SERAC1: variants seen among roughly 807,000 people sequenced by gnomAD.
SERAC1 encodes serine active site containing 1, also known as protein SERAC1.
Under a neutral mutation model 85.7 loss-of-function variants are expected in SERAC1, and 36 were observed. The observed-to-expected ratio is 0.42, with a 90% CI of 0.32 to 0.55. SERAC1 has a LOEUF of 0.55. Ranked by LOEUF, SERAC1 falls within the 20% of genes least tolerant of loss-of-function variation. SERAC1 has a pLI of 0.11. For synonymous variants in SERAC1, 242 were observed against 265.3 expected (o/e 0.91, Z 0.85); for missense variants, 629 against 796.2 (o/e 0.79, Z 2.53).
At chr6:158,166,842 C>A (rs901761707) in intron 1 of SERAC1, among the ~76,000 whole-genome samples, 8 of 152,034 alleles carry the variant, frequency 5.3e-5, no homozygotes, top group Non-Finnish European at 1.2e-4. Flanking sequence ...TTTCTGACAT[C>A]CCCCTGGCCA....
At chr6:158,129,686 GT>G (rs1365533903) in intron 9 of SERAC1, among the ~76,000 whole-genome samples, 3 of 136,984 alleles carry the variant, frequency 2.2e-5, no homozygotes, top group Non-Finnish European at 4.6e-5. Context: ...ATATTTCCTT[GT>G]TTTTTTTTGT....
At chr6:158,149,411 A>G (rs989652086) in intron 4 of SERAC1, among the ~76,000 whole-genome samples, 2 of 152,240 alleles carry the variant, frequency 1.3e-5, no homozygotes, top group African/African-American at 4.8e-5. Context: ...CTATCGATGC[A>G]ACTAAAACCA....
At chr6:158,143,256 C>A in intron 7 of SERAC1, 72 bp from the exon 8 acceptor site, 1 of 1,561,104 alleles carries the variant, frequency 6.4e-7, no homozygotes, top group East Asian at 2.3e-5. Flanking sequence ...TCCAAAGACT[C>A]AAAGCCAATA....
intron 5 of SERAC1, among the ~76,000 whole-genome samples, chr6:158,148,370 C>A (rs1785121418): frequency 6.6e-6 from 1 of 152,076 alleles, no homozygotes; most frequent in African/African-American, 2.4e-5. Flanking sequence ...TTCACAATTA[C>A]CTAAGGAAGG....
At chr6:158,149,458 T>C (rs1441167898) in intron 4 of SERAC1, among the ~76,000 whole-genome samples, 1 of 152,194 alleles carries the variant, frequency 6.6e-6, no homozygotes, top group East Asian at 1.9e-4. Flanking sequence ...CAAAATAAGA[T>C]TGCTCTCCAA....
At chr6:158,166,426 T>C (rs935977038) in intron 1 of SERAC1, among the ~76,000 whole-genome samples, 8 of 146,318 alleles carry the variant, frequency 5.5e-5, no homozygotes, top group African/African-American at 1.5e-4. Context: ...CTTTGGTATC[T>C]GATAGGGAGA....
At chr6:158,115,482 TA>T (rs1399018012) in intron 14 of SERAC1, among the ~76,000 whole-genome samples, 3 of 152,118 alleles carry the variant, frequency 2.0e-5, no homozygotes, top group Non-Finnish European at 4.4e-5. Flanking sequence ...CACAAAGATC[TA>T]AAGGATGATG....
intron 1 of SERAC1, among the ~76,000 whole-genome samples, chr6:158,167,025 C>G (rs952257055): frequency 6.6e-6 from 1 of 151,268 alleles, no homozygotes; most frequent in Non-Finnish European, 1.5e-5. Context: ...CTGATGAGAT[C>G]AAGGAAGAGA....
chr6:158,143,201 G>C lies in SERAC1; in HGVS notation c.610-17C>G, dbSNP rs369075035. 3.1e-6 allele frequency: 5 copies of C among 1,599,816 alleles called. No individual in the cohort carries two copies. The highest frequency in any genetic ancestry group is 1.7e-4 in the Middle Eastern group (1 of 5,956). ...GGAAGAATCCTGAAATAAAAGGAAA[G>C]GAAATTCTTCATAAATACTCAACAA... On this transcript the variant is annotated splice_polypyrimidine_tract_variant and intron_variant, in intron 7 of 16. Transcript: ENST00000647468.
chr6:158,145,417 G>A (rs1328971448), intron 6 of SERAC1: 2 of 151,616 alleles, frequency 1.3e-5, no homozygotes, highest in African/African-American at 2.4e-5. Flanking sequence ...CCAACATTAA[G>A]TAAGCTTATA....
chr6:158,111,583 T>A, intron 16 of SERAC1, 81 bp from the exon 17 acceptor site: 1 of 1,141,262 alleles, frequency 8.8e-7, no homozygotes, highest in Non-Finnish European at 1.2e-6. Flanking sequence ...GCCGAATGGG[T>A]AGTTCTAGAC....
rs1784384718 is a variant in SERAC1 at position 158,120,107 on chromosome 6, G to A, written c.1166+318C>T. On this transcript the variant is annotated intron_variant, in intron 11 of 16. Transcript: ENST00000647468. The surrounding 1 kb of genome is among the most constrained non-coding windows in gnomAD (Gnocchi z 4.4). ...ACAATCCAAATCAGTTATTAACTCA[G>A]ATCTAAGTGAAAATGCCTTGAACCA... Among the ~76,000 whole-genome samples the A allele has an allele frequency of 6.6e-6, 1 of 152,136 alleles. No individual in the cohort carries two copies. The highest frequency in any genetic ancestry group is 6.6e-5 in the Admixed American group (1 of 15,264).
At chr6:158,151,918 G>T (rs1167256071) in intron 3 of SERAC1, among the ~76,000 whole-genome samples, 1 of 151,612 alleles carries the variant, frequency 6.6e-6, no homozygotes, top group Non-Finnish European at 1.5e-5. Context: ...TTAAAGCCAG[G>T]ACTTTATTTA....
intron 13 of SERAC1, chr6:158,116,544 T>C: frequency 2.6e-6 from 1 of 387,346 alleles, no homozygotes. Context: ...GGGATCTCTC[T>C]GCTCAATTCC....
chr6:158,152,017 G>C (rs960183399), intron 3 of SERAC1, among the ~76,000 whole-genome samples: 3 of 152,286 alleles, frequency 2.0e-5, no homozygotes, highest in African/African-American at 7.2e-5. Flanking sequence ...CTCCCGAATA[G>C]CTGAGACTAC....
chr6:158,140,647 T>C (rs952464507), intron 8 of SERAC1, among the ~76,000 whole-genome samples: 1 of 152,204 alleles, frequency 6.6e-6, no homozygotes, highest in Non-Finnish European at 1.5e-5. Context: ...TCCCAGTTTA[T>C]GGCTGGTTGA....
chr6:158,117,833 A>AAAAC lies in SERAC1; in HGVS notation c.1309-16_1309-13dup, dbSNP rs1784328461. On this transcript the variant is annotated splice_polypyrimidine_tract_variant and intron_variant, in intron 12 of 16. Transcript: ENST00000647468. The surrounding 1 kb of genome is among the most constrained non-coding windows in gnomAD (Gnocchi z 4.3). ...TTTGCTAACCATGTCTAAGTAAAAT[A>AAAAC]AAACATATGTGAGAACAAGTATGAA... 11 of 1,602,150 alleles carry AAAAC rather than the reference A, an allele frequency of 6.9e-6. No homozygotes were observed. In the East Asian group the frequency reaches 2.5e-4, roughly 36 times the overall value.
intron 1 of SERAC1, among the ~76,000 whole-genome samples, chr6:158,167,166 G>A (rs947243271): frequency 1.4e-5 from 2 of 141,924 alleles, no homozygotes; most frequent in Non-Finnish European, 3.0e-5. Context: ...GGGATAGAAA[G>A]AGGGAACTAA....
At chr6:158,115,510 G>T (rs999573224) in intron 14 of SERAC1, among the ~76,000 whole-genome samples, 4 of 152,170 alleles carry the variant, frequency 2.6e-5, no homozygotes, top group African/African-American at 9.7e-5. Context: ...GGTCTTTGAG[G>T]ACACGAAGGG....
Sources: gnomAD v4.1 joint callset for allele counts (sites outside exome capture counted in the v4.1 genomes callset) on GRCh38, gnomAD v4.1.1 for gene constraint, Gnocchi (gnomAD v3.1) non-coding constraint, MANE v1.5 for transcripts, NCBI Gene and HGNC (gene_info 2026-07-23, HGNC 2026-07-21) for gene names.